The following FBXL13 variants were observed in gnomAD, a reference collection of about 807,000 sequenced individuals.
The protein encoded by FBXL13 is F-box and leucine-rich repeat protein 13.
A neutral mutation model predicts 83.6 loss-of-function variants in FBXL13; 67 were observed. The observed-to-expected ratio is 0.80, with a 90% CI of 0.66 to 0.98. The LOEUF is 0.98. Ranked by LOEUF, FBXL13 falls within the 50% of genes least tolerant of loss-of-function variation. The probability of loss-of-function intolerance (pLI) is 0.00; values close to 1 mark genes in which losing one functional copy is unlikely to be tolerated. For synonymous variants in FBXL13, 272 were observed against 299.5 expected, an observed-to-expected ratio of 0.91 and a Z score of 0.95; for missense variants, 822 against 866.5, an observed-to-expected ratio of 0.95 and a Z score of 0.64.
At chr7:102,935,137 C>T (rs1820030846) in intron 8 of FBXL13, among the ~76,000 whole-genome samples, 1 of 151,680 alleles carries the variant, frequency 6.6e-6, no homozygotes, top group Non-Finnish European at 1.5e-5. Context: ...ACTGTGAGAG[C>T]ACTCTGAGAC....
chr7:103,040,619 A>G (rs1411755242), intron 2 of FBXL13, among the ~76,000 whole-genome samples: 1 of 152,210 alleles, frequency 6.6e-6, no homozygotes, highest in African/African-American at 2.4e-5. Flanking sequence ...ATCACAAAAA[A>G]CTGTCTCGCA....
At chr7:102,854,279 C>A (rs1212537837) in intron 17 of FBXL13, among the ~76,000 whole-genome samples, 2 of 152,016 alleles carry the variant, frequency 1.3e-5, no homozygotes, top group Non-Finnish European at 2.9e-5. Flanking sequence ...AAACAAAAAA[C>A]CAAACACCGC....
intron 11 of FBXL13, among the ~76,000 whole-genome samples, chr7:102,896,388 G>C (rs1812254031): frequency 6.6e-6 from 1 of 152,186 alleles, no homozygotes; most frequent in African/African-American, 2.4e-5. Context: ...TGGGGTGGTG[G>C]CTGTGGAGAT....
chr7:103,001,134 T>C (rs1473531652), intron 6 of FBXL13, among the ~76,000 whole-genome samples: 1 of 151,878 alleles, frequency 6.6e-6, no homozygotes, highest in East Asian at 1.9e-4. Context: ...TTTTTTGATT[T>C]TTTTTTTGTA....
chr7:102,842,634 C>T (rs17474942), intron 17 of FBXL13, among the ~76,000 whole-genome samples: 2,579 of 152,338 alleles, frequency 0.017, 28 homozygotes, highest in Middle Eastern at 0.034. Flanking sequence ...CTCAACCCTT[C>T]TTACACTCCA....
At chr7:102,874,710 G>A (rs1255413499) in intron 16 of FBXL13, among the ~76,000 whole-genome samples, 4 of 152,040 alleles carry the variant, frequency 2.6e-5, no homozygotes, top group Non-Finnish European at 1.5e-5. Context: ...GGGTCTATAG[G>A]TGCACATCAC....
intron 6 of FBXL13, among the ~76,000 whole-genome samples, chr7:103,022,060 G>A (rs1031382537): frequency 2.0e-5 from 3 of 152,136 alleles, no homozygotes; most frequent in Non-Finnish European, 4.4e-5. Flanking sequence ...AGTCACAATA[G>A]CAAAGACTTG....
chr7:102,966,878 A>G (rs764485054), intron 7 of FBXL13, among the ~76,000 whole-genome samples: 9 of 152,190 alleles, frequency 5.9e-5, no homozygotes, highest in East Asian at 1.9e-4. Flanking sequence ...TTATTTATCA[A>G]TCAGCCCTGG....
At chr7:102,980,627 A>C (rs956440029) in intron 6 of FBXL13, among the ~76,000 whole-genome samples, 5 of 152,186 alleles carry the variant, frequency 3.3e-5, no homozygotes, top group African/African-American at 9.6e-5. Context: ...AATACAAAGA[A>C]TTAGCCGGGT....
At chr7:103,062,025 C>CAAAAA (rs59881447) in intron 1 of FBXL13, among the ~76,000 whole-genome samples, 15 of 99,776 alleles carry the variant, frequency 1.5e-4, no homozygotes, top group Non-Finnish European at 2.6e-4. Flanking sequence ...TCATAATTAC[C>CAAAAA]AAAAAAAAAA....
intron 8 of FBXL13, among the ~76,000 whole-genome samples, chr7:102,956,358 A>T (rs892470835): frequency 6.6e-6 from 1 of 151,844 alleles, no homozygotes; most frequent in Non-Finnish European, 1.5e-5. Flanking sequence ...AACTCTCAAT[A>T]AACTAGGTAT....
chr7:102,952,822 C>CA (rs1474799776), intron 8 of FBXL13, among the ~76,000 whole-genome samples: 23 of 151,768 alleles, frequency 1.5e-4, no homozygotes, highest in African/African-American at 5.6e-4. Context: ...CGTCTCTACT[C>CA]AAAATACAAA....
rs139110767 is a variant in FBXL13 at position 103,026,089 on chromosome 7, G to A, written c.328-859C>T. 3.7e-3 allele frequency among the ~76,000 whole-genome samples: 563 copies of A among 151,918 alleles called. 4 individuals carry two copies. Among genetic ancestry groups the A allele is most frequent in the African/African-American group, 0.013 (556 of 41,420 alleles). On this transcript the variant is annotated intron_variant, in intron 5 of 19. Coordinates refer to ENST00000313221, the Ensembl canonical transcript of FBXL13. ...CACTGTGTGCAAAACATTACGCTCA[G>A]CATATGGACAATACTAAGAGAACAA...
chr7:103,032,751 C>T (rs902734009), intron 2 of FBXL13, among the ~76,000 whole-genome samples: 5 of 152,196 alleles, frequency 3.3e-5, no homozygotes, highest in Non-Finnish European at 7.3e-5. Flanking sequence ...AAAAGTCAGC[C>T]AGGCATGGTG....
At chr7:103,019,774 A>T (rs1442900988) in intron 6 of FBXL13, among the ~76,000 whole-genome samples, 1 of 152,178 alleles carries the variant, frequency 6.6e-6, no homozygotes, top group African/African-American at 2.4e-5. Context: ...ACTAAACCAG[A>T]AGATGTTGAA....
At chr7:102,928,514 A>G (rs1235201942) in intron 9 of FBXL13, among the ~76,000 whole-genome samples, 1 of 152,224 alleles carries the variant, frequency 6.6e-6, no homozygotes, top group East Asian at 1.9e-4. Flanking sequence ...GTAGCTGGAT[A>G]AAATTATCAG....
intron 11 of FBXL13, among the ~76,000 whole-genome samples, chr7:102,894,896 G>T (rs914213716): frequency 6.6e-6 from 1 of 152,072 alleles, no homozygotes; most frequent in Non-Finnish European, 1.5e-5. Flanking sequence ...TTCCCACTAC[G>T]TAACAGGCAT....
intron 8 of FBXL13, among the ~76,000 whole-genome samples, chr7:102,946,650 TTTTATTTATTTATTTATTTATTTA>T (rs10570570): frequency 1.4e-5 from 2 of 140,916 alleles, no homozygotes; most frequent in African/African-American, 5.2e-5. Flanking sequence ...TCTATTTTTA[TTTTATTTATTTATTTATTTATTTA>T]TTTATTTATT....
intron 9 of FBXL13, among the ~76,000 whole-genome samples, chr7:102,928,144 T>C (rs1236458674): frequency 6.6e-6 from 1 of 152,158 alleles, no homozygotes; most frequent in Non-Finnish European, 1.5e-5. Context: ...AGCTTGGACA[T>C]CCAAACAAAA....
Sources: gnomAD v4.1 joint callset for allele counts (sites outside exome capture counted in the v4.1 genomes callset) on GRCh38, gnomAD v4.1.1 for gene constraint, MANE v1.5 for transcripts, NCBI Gene and HGNC (gene_info 2026-07-23, HGNC 2026-07-21) for gene names.